Variants in PDE4B observed in about 807,000 individuals in gnomAD.
The protein encoded by PDE4B is phosphodiesterase 4B, also known as 3',5'-cyclic-AMP phosphodiesterase 4B.
Under a neutral mutation model 82.2 loss-of-function variants are expected in PDE4B, and 20 were observed. The ratio of observed to expected loss-of-function variants is 0.24; its 90% CI spans 0.17 to 0.35. The LOEUF is 0.35. PDE4B is among the 10% of genes least tolerant of loss of function. PDE4B has a pLI of 1.00. For synonymous variants in PDE4B, 320 were observed against 318.9 expected, an observed-to-expected ratio of 1.00 and a Z score of -0.04; for missense variants, 655 against 907.2, an observed-to-expected ratio of 0.72 and a Z score of 3.57.
intron 1 of PDE4B, among the ~76,000 whole-genome samples, chr1:65,902,765 C>T (rs1170535342): frequency 6.6e-6 from 1 of 152,120 alleles, no homozygotes; most frequent in Non-Finnish European, 1.5e-5. Flanking sequence ...AAGTACATGA[C>T]TATATGAATT....
chr1:66,112,411 CT>C (rs372250216), intron 3 of PDE4B, among the ~76,000 whole-genome samples: 8 of 152,178 alleles, frequency 5.3e-5, no homozygotes, highest in African/African-American at 1.7e-4. Flanking sequence ...ACCAGTGTGA[CT>C]AGGAACATTG....
chr1:66,368,375 T>TAG (rs1354737759), intron 15 of PDE4B, among the ~76,000 whole-genome samples: 8 of 152,246 alleles, frequency 5.3e-5, no homozygotes, highest in Admixed American at 4.6e-4. Context: ...TCCCATTGAC[T>TAG]TGAAGTTTGT....
intron 1 of PDE4B, among the ~76,000 whole-genome samples, chr1:65,869,532 T>C (rs1458199075): frequency 6.6e-6 from 1 of 152,208 alleles, no homozygotes; most frequent in African/African-American, 2.4e-5. Context: ...AAAGAATTAC[T>C]TTGTGAACTA....
intron 3 of PDE4B, among the ~76,000 whole-genome samples, chr1:65,926,206 G>C (rs189197522): frequency 1.6e-3 from 242 of 152,242 alleles, no homozygotes; most frequent in African/African-American, 5.5e-3. Flanking sequence ...GGTGAGAAAA[G>C]TCCCCTTACA....
At chr1:66,282,012 G>A (rs1656334264) in intron 7 of PDE4B, among the ~76,000 whole-genome samples, 1 of 152,182 alleles carries the variant, frequency 6.6e-6, no homozygotes, top group Non-Finnish European at 1.5e-5. Flanking sequence ...TGAGCTCTCT[G>A]TGCTGTCCAG....
chr1:66,141,822 T>G (rs755950586), intron 3 of PDE4B, among the ~76,000 whole-genome samples: 1 of 152,106 alleles, frequency 6.6e-6, no homozygotes, highest in Non-Finnish European at 1.5e-5. Flanking sequence ...CACAATGTAT[T>G]CTGCACCTGA....
chr1:66,205,612 C>G (rs928754781), intron 3 of PDE4B, among the ~76,000 whole-genome samples: 3 of 152,200 alleles, frequency 2.0e-5, no homozygotes, highest in Non-Finnish European at 2.9e-5. Flanking sequence ...TTCACTCTCA[C>G]AATAGAATAA....
At chr1:65,967,276 A>G (rs1467476142) in intron 3 of PDE4B, among the ~76,000 whole-genome samples, 2 of 152,252 alleles carry the variant, frequency 1.3e-5, no homozygotes, top group African/African-American at 4.8e-5. Context: ...CAACACGCAT[A>G]TGAAAAAGAG....
intron 3 of PDE4B, among the ~76,000 whole-genome samples, chr1:66,162,749 A>G (rs1646642837): frequency 6.6e-6 from 1 of 152,140 alleles, no homozygotes; most frequent in Non-Finnish European, 1.5e-5. Context: ...GCATTTCAGA[A>G]TTGCGGTTTT....
chr1:66,348,387 A>C (rs1244951479), intron 8 of PDE4B, among the ~76,000 whole-genome samples: 1 of 152,174 alleles, frequency 6.6e-6, no homozygotes, highest in Non-Finnish European at 1.5e-5. Flanking sequence ...ATCATCTCAA[A>C]TCTTCAAAGT....
intron 6 of PDE4B, among the ~76,000 whole-genome samples, chr1:66,260,110 T>C (rs1486100680): frequency 6.6e-6 from 1 of 152,344 alleles, no homozygotes; most frequent in South Asian, 2.1e-4. Context: ...TGTAACACTT[T>C]GGGGTTTTCA....
chr1:66,242,791 C>T (rs1291231803), intron 3 of PDE4B, among the ~76,000 whole-genome samples: 2 of 152,192 alleles, frequency 1.3e-5, no homozygotes, highest in South Asian at 2.1e-4. Flanking sequence ...GTTTCTCCCT[C>T]CAAAATTGCC....
intron 3 of PDE4B, among the ~76,000 whole-genome samples, chr1:66,231,159 G>C (rs1651920706): frequency 6.6e-6 from 1 of 151,866 alleles, no homozygotes; most frequent in Non-Finnish European, 1.5e-5. Flanking sequence ...ACATATTGAA[G>C]AATATTGAAT....
At chr1:66,281,255 C>T (rs1397736465) in intron 7 of PDE4B, among the ~76,000 whole-genome samples, 1 of 152,252 alleles carries the variant, frequency 6.6e-6, no homozygotes, top group Non-Finnish European at 1.5e-5. Flanking sequence ...TGCCCCACTC[C>T]TCAAGTTTCT....
chr1:66,286,648 TCA>T lies in PDE4B; in HGVS notation c.634+20564_634+20565del, dbSNP rs1656698997. 2.6e-5 allele frequency among the ~76,000 whole-genome samples: 4 copies of T among 152,170 alleles called. No individual in the cohort carries two copies. In the South Asian group the frequency reaches 8.3e-4, roughly 32 times the overall value. On this transcript the variant is annotated intron_variant, in intron 7 of 16. Transcript: ENST00000341517. ...TCACATTGGTGAAAAATGTGAGAAT[TCA>T]CAGTTTGCCTATTTTGGCAACATAA... is the stretch of plus-strand genomic sequence containing the variant.
At chr1:65,911,232 C>T (rs1391189008) in intron 1 of PDE4B, among the ~76,000 whole-genome samples, 1 of 152,186 alleles carries the variant, frequency 6.6e-6, no homozygotes, top group Non-Finnish European at 1.5e-5. Flanking sequence ...GCTTCCTCAT[C>T]ATGGCATCTT....
chr1:66,048,035 T>C (rs1234596314), intron 3 of PDE4B, among the ~76,000 whole-genome samples: 1 of 151,920 alleles, frequency 6.6e-6, no homozygotes, highest in African/African-American at 2.4e-5. Flanking sequence ...TGGCAGACCA[T>C]TGCTATTTTC....
At chr1:65,828,906 T>G (rs1646049795) in intron 1 of PDE4B, among the ~76,000 whole-genome samples, 1 of 152,030 alleles carries the variant, frequency 6.6e-6, no homozygotes, top group Non-Finnish European at 1.5e-5. Context: ...AATGAGTAAA[T>G]TAAACAAATA....
At chr1:66,159,374 G>A (rs184215249) in intron 3 of PDE4B, among the ~76,000 whole-genome samples, 5 of 151,696 alleles carry the variant, frequency 3.3e-5, no homozygotes, top group Admixed American at 6.6e-5. Flanking sequence ...AGGTAGCAGG[G>A]ACTACAGGTG....
Sources: allele counts gnomAD v4.1 joint callset (sites outside exome capture counted in the v4.1 genomes callset), GRCh38; gene constraint gnomAD v4.1.1; transcripts MANE v1.5; gene names NCBI Gene and HGNC (gene_info 2026-07-23, HGNC 2026-07-21).